Variants in LAMA4 observed in about 807,000 individuals in gnomAD.
LAMA4 encodes laminin subunit alpha-4.
LAMA4 carries 127 observed loss-of-function variants against 207.1 expected under a neutral mutation model. That is an observed-to-expected ratio of 0.61 (90% CI 0.53 to 0.71). The LOEUF is 0.71. LAMA4 is among the 30% of genes least tolerant of loss of function. The pLI, the probability that LAMA4 is intolerant of heterozygous loss-of-function variation, is 0.00. For synonymous variants in LAMA4, 761 were observed against 816.0 expected (o/e 0.93, Z 1.15); for missense variants, 2,093 against 2,246.5 (o/e 0.93, Z 1.38).
chr6:112,131,666 C>T (rs1779042327), intron 28 of LAMA4, among the ~76,000 whole-genome samples: 1 of 152,094 alleles, frequency 6.6e-6, no homozygotes, highest in Non-Finnish European at 1.5e-5. Flanking sequence ...AAATAGACTA[C>T]TTTTTATGGG....
Position 112,144,809 on chromosome 6 carries a change from T to G in LAMA4, c.2478A>C (p.Arg826Ser), listed in dbSNP as rs1230385982. ...CATCAGTTACCTTGCTGGCAACACT[T>G]CTGGTCTGAGCAATGAGCTCTCGGA... The part of the protein sequence containing the change: ...QRIRELIAQT[R>S]SVASKIQVSM... Residue 826 changes from arginine to serine, a missense_variant, in exon 19 of 39, where the codon AGA becomes AGC. Transcript: ENST00000230538. The G allele has an allele frequency of 6.8e-6, 11 of 1,613,474 alleles. No homozygotes were observed. Among genetic ancestry groups the G allele is most frequent in the Non-Finnish European group, 9.3e-6 (11 of 1,180,010 alleles).
At chr6:112,186,428 C>T (rs1214450435) in intron 8 of LAMA4, among the ~76,000 whole-genome samples, 1 of 152,182 alleles carries the variant, frequency 6.6e-6, no homozygotes, top group South Asian at 2.1e-4. Context: ...TTTCCCTCAG[C>T]TAATGATTAT....
In LAMA4 at chr6:112,109,241, T is replaced by G; in HGVS notation, c.*196A>C. 3.1e-6 allele frequency: 2 copies of G among 648,296 alleles called. No homozygotes were observed. The highest frequency in any genetic ancestry group is 5.3e-6 in the Non-Finnish European group (2 of 374,028). 40.2% of individuals were successfully genotyped at this position (648,296 alleles called of 1,614,324 possible). Reference sequence around the variant, plus strand: ...TGCCACTCCTTCAATTGTTGTCCATTGCAGACACTTTGGATTCAAGGTTAA... The same window carrying G: ...TGCCACTCCTTCAATTGTTGTCCATGGCAGACACTTTGGATTCAAGGTTAA... On this transcript the variant is annotated 3_prime_UTR_variant, in exon 39 of 39. Coordinates refer to ENST00000230538, the MANE Select transcript of LAMA4 (RefSeq NM_001105206.3).
chr6:112,238,778 G>A (rs982258778), intron 2 of LAMA4, among the ~76,000 whole-genome samples: 3 of 152,208 alleles, frequency 2.0e-5, no homozygotes, highest in African/African-American at 7.2e-5. Flanking sequence ...TTAAAATGAA[G>A]TGCTAAATAT....
At chr6:112,224,659 T>C (rs986344560) in intron 2 of LAMA4, among the ~76,000 whole-genome samples, 1 of 151,798 alleles carries the variant, frequency 6.6e-6, no homozygotes, top group African/African-American at 2.4e-5. Context: ...CTATTAAAAA[T>C]ATAAAAATTA....
intron 5 of LAMA4, among the ~76,000 whole-genome samples, chr6:112,200,387 T>C (rs1453159256): frequency 6.6e-6 from 1 of 152,208 alleles, no homozygotes; most frequent in Non-Finnish European, 1.5e-5. Context: ...TAACAACAGA[T>C]GCTGGAGAGG....
chr6:112,109,558 G>T lies in LAMA4; in HGVS notation c.5351C>A (p.Ala1784Asp). ...VPESLLTPRL[A>D]PSKPFTGCIR... The stretch of plus-strand genomic sequence containing the variant: ...GCAGCCTGTGAAGGGTTTGCTGGGG[G>T]CCAAGCGTGGTGTCAGTAGAGATTC... The change falls in exon 39 of 39, where the codon GCC becomes GAC. Residue 1784 changes from alanine (A) to aspartate (D), a missense_variant. Coordinates refer to ENST00000230538, the MANE Select transcript of LAMA4 (RefSeq NM_001105206.3). The T allele has an allele frequency of 6.2e-7, 1 of 1,614,058 alleles. No homozygotes were observed.
rs782456468 is a variant in LAMA4 at position 112,122,168 on chromosome 6, G to A, written c.4321C>T (p.Pro1441Ser). The A allele has an allele frequency of 1.2e-6, 2 of 1,613,776 alleles. No individual in the cohort carries two copies. The highest frequency in any genetic ancestry group is 1.1e-5 in the South Asian group (1 of 91,060). The change falls in exon 32 of 39, where the codon CCT becomes TCT. Residue 1441 changes from proline (P) to serine (S), a missense_variant. Physicochemically the swap from Pro to Ser is moderately conservative, Grantham distance 74. Coordinates refer to ENST00000230538, the MANE Select transcript of LAMA4 (RefSeq NM_001105206.3). ...CGCTCTGGGAGTTTCAGAGCAACAGGATCCCATGAAGGTGCATCTTTACTT... is the reference window on the plus strand; with the variant it reads ...CGCTCTGGGAGTTTCAGAGCAACAGAATCCCATGAAGGTGCATCTTTACTT... ...GKSKDAPSWD[P>S]VALKLPERNT... is the part of the protein sequence containing the mutation.
Position 112,122,151 on chromosome 6 carries a change from G to A in LAMA4, c.4338C>T (p.Leu1446=). The A allele has an allele frequency of 6.2e-7, 1 of 1,613,808 alleles. No individual in the cohort carries two copies. The highest frequency in any genetic ancestry group is 1.1e-5 in the South Asian group (1 of 91,064). ...AGTTTCTTGGAGTATTCCGCTCTGG[G>A]AGTTTCAGAGCAACAGGATCCCATG... ...APSWDPVALK[L]PERNTPRNSH... is the part of the protein sequence containing the mutation. Residue 1446 remains leucine, a synonymous_variant, in exon 32 of 39, where the codon CTC becomes CTT. Coordinates refer to ENST00000230538, the MANE Select transcript of LAMA4 (RefSeq NM_001105206.3).
Position 112,117,890 on chromosome 6 carries a change from G to T in LAMA4, c.4830C>A (p.Ser1610=), listed in dbSNP as rs1554324568. 6.2e-7 allele frequency: 1 copy of T among 1,613,118 alleles called. No individual in the cohort carries two copies. Among genetic ancestry groups the T allele is most frequent in the Admixed American group, 1.7e-5 (1 of 59,956 alleles). The change falls in exon 35 of 39, where the codon TCC becomes TCA. Residue 1610 remains serine, a synonymous_variant. Transcript: ENST00000230538. This position sits in a 1 kb window ranked among gnomAD's most constrained non-coding sequence, Gnocchi z 4.5. The part of the protein sequence containing the change: ...GKAVKNVQIN[S]IYSFSGCLSN... ...TGAGACAGCCACTAAAACTGTAGAT[G>T]GAGTTAATCTGAGGGAAGAAGATAT...
rs1237229715 is a variant in LAMA4 at position 112,227,727 on chromosome 6, T to C, written c.196-11258A>G. 4.6e-5 allele frequency among the ~76,000 whole-genome samples: 7 copies of C among 152,374 alleles called. No homozygotes were observed. In the South Asian group the frequency reaches 1.2e-3, roughly 27 times the overall value. On this transcript the variant is annotated intron_variant, in intron 2 of 38. Coordinates refer to ENST00000230538, the MANE Select transcript of LAMA4 (RefSeq NM_001105206.3). The stretch of plus-strand genomic sequence containing the variant: ...TGTTTTTCACCTTACAGCTAGCAGC[T>C]GCCTCATCCCATGTGGCACATTTCA...
chr6:112,179,196 C>T (rs1782199825), intron 9 of LAMA4: 1 of 152,110 alleles, frequency 6.6e-6, no homozygotes, highest in African/African-American at 2.4e-5. Context: ...AGATCTCACA[C>T]AGTATTTGTC....
intron 38 of LAMA4, among the ~76,000 whole-genome samples, chr6:112,111,280 G>T (rs1489457268): frequency 1.3e-5 from 2 of 152,166 alleles, no homozygotes; most frequent in Non-Finnish European, 2.9e-5. Context: ...CTGAGCTCAA[G>T]TGATCCACCC....
At position 112,108,681 on chromosome 6, in the gene LAMA4, C is replaced by T. The variant is rs1777542868; in HGVS notation, c.*756G>A. The T allele has an allele frequency of 6.6e-6, 1 of 152,114 alleles. No homozygotes were observed. The highest frequency in any genetic ancestry group is 1.5e-5 in the Non-Finnish European group (1 of 68,034). 9.4% of individuals were successfully genotyped at this position (152,114 alleles called of 1,614,324 possible). On this transcript the variant is annotated 3_prime_UTR_variant, in exon 39 of 39. Transcript: ENST00000230538. ...CTTAAATTGAATTTTATGATTTTGT[C>T]CTACTGTTTTTGCTGTGATATCCTC... is the stretch of plus-strand genomic sequence containing the variant.
chr6:112,139,676 A>C, intron 23 of LAMA4, 76 bp downstream of exon 23: 1 of 1,556,026 alleles, frequency 6.4e-7, no homozygotes, highest in South Asian at 1.1e-5. Context: ...GAGAACCTGA[A>C]TATTGACTCA....
intron 2 of LAMA4, among the ~76,000 whole-genome samples, chr6:112,239,087 G>A (rs7749238): frequency 0.044 from 6,647 of 152,146 alleles, 214 homozygotes; most frequent in East Asian, 0.15. Context: ...TTGGGAGATC[G>A]AGGCAGGTGG....
intron 2 of LAMA4, among the ~76,000 whole-genome samples, chr6:112,239,193 C>A (rs1200728998): frequency 1.3e-5 from 2 of 151,932 alleles, no homozygotes; most frequent in African/African-American, 2.4e-5. Context: ...TGGTGGCAGG[C>A]ACCTGTAGTC....
intron 2 of LAMA4, among the ~76,000 whole-genome samples, chr6:112,239,587 T>G (rs770043089): frequency 7.2e-5 from 11 of 152,180 alleles, no homozygotes; most frequent in Non-Finnish European, 1.5e-4. Context: ...GCTACAGTCC[T>G]TCTCTTAGTT....
rs782592337 is a variant in LAMA4 at position 112,139,241 on chromosome 6, C to T, written c.3161G>A (p.Gly1054Asp). 1.9e-5 allele frequency: 30 copies of T among 1,614,054 alleles called. No individual in the cohort carries two copies. The highest frequency in any genetic ancestry group is 3.3e-4 in the Middle Eastern group (2 of 6,084). ...QSRAASYFFD[G>D]SGYAVVRDIT... ...GTCTCTCACCACGGCATAACCGGAG[C>T]CATCGAAGAAGTAACTGGCAGCCCG... The change falls in exon 24 of 39, where the codon GGC becomes GAC. Residue 1054 changes from glycine to aspartate, a missense_variant. Coordinates refer to ENST00000230538, the MANE Select transcript of LAMA4 (RefSeq NM_001105206.3).
Sources: gnomAD v4.1 joint callset for allele counts (sites outside exome capture counted in the v4.1 genomes callset) on GRCh38, gnomAD v4.1.1 for gene constraint, Gnocchi (gnomAD v3.1) non-coding constraint, MANE v1.5 for transcripts, NCBI Gene and HGNC (gene_info 2026-07-23, HGNC 2026-07-21) for gene names.